SEL1L3: variants seen among roughly 807,000 people sequenced by gnomAD.
The protein encoded by SEL1L3 is protein sel-1 homolog 3.
A neutral mutation model predicts 142.8 loss-of-function variants in SEL1L3; 76 were observed. That is an observed-to-expected ratio of 0.53 (90% CI 0.44 to 0.64). The LOEUF (loss-of-function observed/expected upper bound fraction) is 0.64. SEL1L3 is among the 30% of genes least tolerant of loss of function. The pLI, the probability that SEL1L3 is intolerant of heterozygous loss-of-function variation, is 0.00. For missense variants in SEL1L3, 1,262 were observed against 1,381.7 expected, an observed-to-expected ratio of 0.91 and a Z score of 1.37; for synonymous variants, 504 against 519.6, an observed-to-expected ratio of 0.97 and a Z score of 0.41.
chr4:25,786,656 T>C (rs1347241405), intron 13 of SEL1L3, among the ~76,000 whole-genome samples: 1 of 152,162 alleles, frequency 6.6e-6, no homozygotes, highest in Non-Finnish European at 1.5e-5. Context: ...CTCCCTGAGG[T>C]CATGGACGTG....
At chr4:25,814,014 A>G (rs1267174488) in intron 9 of SEL1L3, among the ~76,000 whole-genome samples, 1 of 152,178 alleles carries the variant, frequency 6.6e-6, no homozygotes, top group Non-Finnish European at 1.5e-5. Flanking sequence ...GGGGAAAGAA[A>G]CGCTTTCAGG....
the SEL1L3 span, among the ~76,000 whole-genome samples, chr4:25,727,059 C>CTT: frequency 3.0e-3 from 431 of 145,066 alleles, 2 homozygotes; most frequent in Middle Eastern, 7.0e-3. Flanking sequence ...TTTTAATTTT[C>CTT]TTTTTTTTTT....
chr4:25,749,955 C>T (rs1388186422), intron 23 of SEL1L3, among the ~76,000 whole-genome samples: 2 of 151,940 alleles, frequency 1.3e-5, no homozygotes, highest in Non-Finnish European at 2.9e-5. Flanking sequence ...AGCCACAGGC[C>T]GGGCGCCGTG....
At chr4:25,835,167 G>T (rs748271330) in intron 3 of SEL1L3, 30 bp downstream of exon 3, 3 of 1,612,434 alleles carry the variant, frequency 1.9e-6, no homozygotes, top group African/African-American at 1.3e-5. Flanking sequence ...AGCACCGCCC[G>T]ATCAGCTCCC....
Position 25,804,658 on chromosome 4 carries a change from T to C in SEL1L3, c.1659A>G (p.Gln553=). Residue 553 remains glutamine, a synonymous_variant, in exon 10 of 24, where the codon CAA becomes CAG. Coordinates refer to ENST00000399878, the MANE Select transcript of SEL1L3 (RefSeq NM_015187.5). ...TCAGAAAGGGGACGATAGAGCTAAT[T>C]TGGTGAAGACCATCAATGCTAGAGA... ...KRLSSIDGLH[Q]ISSIVPFLTD... 1.9e-6 allele frequency: 3 copies of C among 1,613,692 alleles called. No individual in the cohort carries two copies. The highest frequency in any genetic ancestry group is 2.5e-6 in the Non-Finnish European group (3 of 1,179,590).
chr4:25,723,763 C>T, the SEL1L3 span, among the ~76,000 whole-genome samples: 2 of 152,168 alleles, frequency 1.3e-5, no homozygotes, highest in Non-Finnish European at 2.9e-5. Flanking sequence ...CAGGGCCCCA[C>T]TCTAAGTTCA....
chr4:25,739,906 T>C, the SEL1L3 span, among the ~76,000 whole-genome samples: 80 of 152,096 alleles, frequency 5.3e-4, no homozygotes, highest in Middle Eastern at 3.4e-3. Context: ...GATATAGCTC[T>C]GATTCAGTTT....
At chr4:25,736,656 TAGTTA>T in the SEL1L3 span, among the ~76,000 whole-genome samples, 34 of 152,346 alleles carry the variant, frequency 2.2e-4, no homozygotes, top group Non-Finnish European at 1.9e-4. Flanking sequence ...TTATAAATGT[TAGTTA>T]AGTTAAGGAT....
intron 23 of SEL1L3, among the ~76,000 whole-genome samples, chr4:25,754,356 T>TC (rs1462156199): frequency 1.3e-5 from 2 of 150,778 alleles, no homozygotes; most frequent in African/African-American, 4.8e-5. Flanking sequence ...GACAACTTTT[T>TC]TTTTTTTTTT....
At chr4:25,772,851 G>A (rs1389408713) in intron 17 of SEL1L3, among the ~76,000 whole-genome samples, 1 of 152,070 alleles carries the variant, frequency 6.6e-6, no homozygotes, top group Non-Finnish European at 1.5e-5. Context: ...AGGCTGGAAT[G>A]CAGTGGCTCA....
At chr4:25,808,852 G>C (rs1224348777) in intron 9 of SEL1L3, among the ~76,000 whole-genome samples, 1 of 152,266 alleles carries the variant, frequency 6.6e-6, no homozygotes, top group Non-Finnish European at 1.5e-5. Flanking sequence ...GGCAGATCAC[G>C]AGGTCAGGAA....
intron 20 of SEL1L3, among the ~76,000 whole-genome samples, chr4:25,764,045 A>C (rs1034203560): frequency 1.3e-5 from 2 of 152,240 alleles, no homozygotes; most frequent in African/African-American, 4.8e-5. Flanking sequence ...TAGAAGGAAT[A>C]AGGGAAATTG....
At chr4:25,756,441 G>A (rs1306793053) in intron 23 of SEL1L3, 1 of 985,010 alleles carries the variant, frequency 1.0e-6, no homozygotes, top group South Asian at 4.7e-5. Flanking sequence ...AACAGCTAAC[G>A]TTTAACTACA....
rs150749381 is a variant in SEL1L3 at position 25,832,342 on chromosome 4, G to T, written c.1098+653C>A. On this transcript the variant is annotated intron_variant, in intron 5 of 23. Transcript: ENST00000399878. The stretch of plus-strand genomic sequence containing the variant: ...TGAGAAAACAAAGCAACCAGAAAAA[G>T]GTGGCAAACCCACACTGTGTATATT... 2.6e-3 allele frequency among the ~76,000 whole-genome samples: 390 copies of T among 152,216 alleles called. 2 individuals are homozygous for T. Among genetic ancestry groups the T allele is most frequent in the African/African-American group, 8.8e-3 (365 of 41,524 alleles).
chr4:25,826,734 G>T (rs374541293), intron 6 of SEL1L3, among the ~76,000 whole-genome samples: 1 of 152,090 alleles, frequency 6.6e-6, no homozygotes, highest in East Asian at 1.9e-4. Flanking sequence ...CTGTCGCCCC[G>T]GCTGGAGTAC....
rs571704221 is a variant in SEL1L3, at chr4:25,788,132, A to G, written c.2217+92T>C. 1.7e-4 allele frequency: 223 copies of G among 1,277,456 alleles called. 1 individual carries two copies. The Middle Eastern group carries it at 1.9e-3, about 11-fold the overall frequency. The allele number at this position is 1,277,456 out of a possible 1,614,324, so 79.1% of individuals were successfully genotyped here. On this transcript the variant is annotated intron_variant, in intron 13 of 23. Coordinates refer to ENST00000399878, the MANE Select transcript of SEL1L3 (RefSeq NM_015187.5). This position sits in a 1 kb window ranked among gnomAD's most constrained non-coding sequence, Gnocchi z 5.3. ...AAGCATATACTAAATTTCTTCAGTT[A>G]TCGACTCCCTGTTTGCCAGCCCGCC...
At chr4:25,829,936 GA>G (rs35501267) in intron 6 of SEL1L3, among the ~76,000 whole-genome samples, 161 bp downstream of exon 6, 13 of 151,256 alleles carry the variant, frequency 8.6e-5, no homozygotes, top group East Asian at 3.9e-4. Context: ...TGCATGGTAG[GA>G]AAAAAAAAGT....
chr4:25,838,698 G>A (rs557770400), intron 2 of SEL1L3, among the ~76,000 whole-genome samples: 7 of 152,244 alleles, frequency 4.6e-5, no homozygotes, highest in South Asian at 4.2e-4. Context: ...GCCCAACAGC[G>A]GCCTCTGGAG....
chr4:25,739,844 A>G, the SEL1L3 span, among the ~76,000 whole-genome samples: 1 of 152,096 alleles, frequency 6.6e-6, no homozygotes, highest in Non-Finnish European at 1.5e-5. Flanking sequence ...ACACATGTAC[A>G]TATGTAGTAT....
Sources: gnomAD v4.1 joint callset for allele counts (sites outside exome capture counted in the v4.1 genomes callset) on GRCh38, gnomAD v4.1.1 for gene constraint, Gnocchi (gnomAD v3.1) non-coding constraint, MANE v1.5 for transcripts, NCBI Gene and HGNC (gene_info 2026-07-23, HGNC 2026-07-21) for gene names.